WWOX: variants seen among roughly 807,000 people sequenced by gnomAD.
WWOX encodes the protein WW domain-containing oxidoreductase.
Under a neutral mutation model 46.2 loss-of-function variants are expected in WWOX, and 69 were observed. The observed-to-expected ratio is 1.49, with a 90% confidence interval of 1.23 to 1.82. WWOX has a LOEUF of 1.82. Ranked by LOEUF, WWOX falls within the 40% of genes most tolerant of loss-of-function variation. The probability of loss-of-function intolerance (pLI) is 0.00; values close to 1 mark genes in which losing one functional copy is unlikely to be tolerated. For missense variants in WWOX, 919 were observed against 542.6 expected, an observed-to-expected ratio of 1.69 and a Z score of -6.89; for synonymous variants, 359 against 202.6, an observed-to-expected ratio of 1.77 and a Z score of -6.56.
chr16:78,262,097 C>CCAAA (rs2079256781), intron 5 of WWOX, among the ~76,000 whole-genome samples: 1 of 62,610 alleles, frequency 1.6e-5, no homozygotes, highest in Non-Finnish European at 2.8e-5. Context: ...GAAACTCTGT[C>CCAAA]AAAAAAAAAA....
chr16:79,001,961 T>G (rs1381547646), intron 8 of WWOX, among the ~76,000 whole-genome samples: 1 of 152,106 alleles, frequency 6.6e-6, no homozygotes, highest in South Asian at 2.1e-4. Context: ...TAAGCTTTTA[T>G]TAAATAGAAG....
At chr16:78,869,600 A>G (rs2044082375) in intron 8 of WWOX, among the ~76,000 whole-genome samples, 2 of 152,218 alleles carry the variant, frequency 1.3e-5, no homozygotes, top group South Asian at 2.1e-4. Context: ...GACACTGCGC[A>G]TGGGCTCGTT....
chr16:79,085,529 T>G (rs906995418), intron 8 of WWOX, among the ~76,000 whole-genome samples: 17 of 152,196 alleles, frequency 1.1e-4, no homozygotes, highest in Non-Finnish European at 1.9e-4. Flanking sequence ...ACTAATTTCC[T>G]ATAAAGAAAA....
intron 6 of WWOX, among the ~76,000 whole-genome samples, chr16:78,405,862 T>C (rs1321852560): frequency 6.6e-6 from 1 of 152,116 alleles, no homozygotes; most frequent in African/African-American, 2.4e-5. Context: ...ACACACATAA[T>C]GAGAGGCAGA....
intron 8 of WWOX, among the ~76,000 whole-genome samples, chr16:79,019,018 A>G (rs527949725): frequency 1.3e-5 from 2 of 151,760 alleles, no homozygotes; most frequent in East Asian, 3.9e-4. Context: ...CCGGGCAGGC[A>G]TGGTGGCTCA....
chr16:78,823,825 G>T (rs1223285218), intron 8 of WWOX, among the ~76,000 whole-genome samples: 3 of 151,382 alleles, frequency 2.0e-5, no homozygotes, highest in Non-Finnish European at 2.9e-5. Flanking sequence ...CTCCGAGCTA[G>T]AGTACAATGG....
rs145167823 is a variant in WWOX at position 78,616,627 on chromosome 16, G to T, written c.1056+183875G>T. ...TCTACTAAAACTAAAAACTTAGCCA[G>T]GCTCGGTGGCTTGTGCTTGTAATCC... On this transcript the variant is annotated intron_variant, in intron 8 of 8. Transcript: ENST00000566780. Among the ~76,000 whole-genome samples the T allele has an allele frequency of 3.8e-3, 573 of 152,030 alleles. 4 individuals are homozygous for T. The highest frequency in any genetic ancestry group is 0.013 in the African/African-American group (547 of 41,458).
chr16:78,611,895 C>T (rs946059196), intron 8 of WWOX, among the ~76,000 whole-genome samples: 2 of 152,162 alleles, frequency 1.3e-5, no homozygotes. Context: ...ATTCCATTGG[C>T]TGAAGCAAAT....
chr16:79,025,670 C>T (rs913476524), intron 8 of WWOX, among the ~76,000 whole-genome samples: 1 of 152,214 alleles, frequency 6.6e-6, no homozygotes, highest in East Asian at 1.9e-4. Context: ...AAATAAATTT[C>T]TATTGTTTTA....
At chr16:78,335,143 T>C (rs1027441983) in intron 5 of WWOX, among the ~76,000 whole-genome samples, 1 of 152,156 alleles carries the variant, frequency 6.6e-6, no homozygotes, top group African/African-American at 2.4e-5. Flanking sequence ...TCTAAAACTT[T>C]AAGTTCCAGG....
At chr16:79,117,125 C>T (rs2049532660) in intron 8 of WWOX, among the ~76,000 whole-genome samples, 1 of 152,140 alleles carries the variant, frequency 6.6e-6, no homozygotes, top group Non-Finnish European at 1.5e-5. Context: ...TATCCTCCTA[C>T]TCCAGCCTTC....
At chr16:78,456,892 T>C (rs79186293) in intron 8 of WWOX, among the ~76,000 whole-genome samples, 8,383 of 152,314 alleles carry the variant, frequency 0.055, 655 homozygotes, top group African/African-American at 0.17. Flanking sequence ...ACTATCAAAT[T>C]AGTTCACGTG....
intron 8 of WWOX, among the ~76,000 whole-genome samples, chr16:78,808,266 C>T (rs74569632): frequency 6.6e-6 from 1 of 152,182 alleles, no homozygotes; most frequent in Non-Finnish European, 1.5e-5. Context: ...CAGTCATTCA[C>T]CCCTTTGGAC....
At position 78,132,530 on chromosome 16, in the gene WWOX, C is replaced by T. The variant is rs929919160; in HGVS notation, c.409+17376C>T. On this transcript the variant is annotated intron_variant, in intron 4 of 8. Coordinates refer to ENST00000566780, the MANE Select transcript of WWOX (RefSeq NM_016373.4). ...TGCCTTTTGTTAATACGTATGCGGC[C>T]ATGTGATGATTTTTTAAAAGGTCAT... Among the ~76,000 whole-genome samples, 4 of 152,100 alleles carry T rather than the reference C, an allele frequency of 2.6e-5. No homozygotes were observed. The South Asian group carries it at 6.2e-4, about 24-fold the overall frequency.
intron 8 of WWOX, among the ~76,000 whole-genome samples, chr16:79,179,469 C>T (rs543294534): frequency 2.6e-5 from 4 of 152,308 alleles, no homozygotes; most frequent in Middle Eastern, 3.4e-3. Context: ...AGCTCCAGTC[C>T]GAACCAAGGG....
At chr16:78,669,041 A>G (rs2047398766) in intron 8 of WWOX, among the ~76,000 whole-genome samples, 1 of 152,210 alleles carries the variant, frequency 6.6e-6, no homozygotes, top group South Asian at 2.1e-4. Flanking sequence ...ATAATACAGA[A>G]GTGACCCTCC....
intron 8 of WWOX, among the ~76,000 whole-genome samples, chr16:78,564,084 C>T (rs1159379093): frequency 6.6e-6 from 1 of 152,218 alleles, no homozygotes; most frequent in Admixed American, 6.5e-5. Flanking sequence ...TTGCCCCAGC[C>T]AAGAGCCAAC....
At chr16:78,961,993 G>A (rs58665619) in intron 8 of WWOX, among the ~76,000 whole-genome samples, 5,545 of 152,132 alleles carry the variant, frequency 0.036, 350 homozygotes, top group African/African-American at 0.13. Context: ...CAGATCCCTT[G>A]TCTCTTGTCA....
At chr16:78,763,344 A>G (rs1047806808) in intron 8 of WWOX, among the ~76,000 whole-genome samples, 1 of 152,234 alleles carries the variant, frequency 6.6e-6, no homozygotes, top group Non-Finnish European at 1.5e-5. Context: ...CGACCCTCAC[A>G]TGTTTATTAC....
Sources: allele counts gnomAD v4.1 joint callset (sites outside exome capture counted in the v4.1 genomes callset), GRCh38; gene constraint gnomAD v4.1.1; transcripts MANE v1.5; gene names NCBI Gene and HGNC (gene_info 2026-07-23, HGNC 2026-07-21).